Variants in CDH22 observed in about 807,000 individuals in gnomAD.
CDH22 encodes the protein cadherin-22.
CDH22 carries 30 observed loss-of-function variants against 58.4 expected under a neutral mutation model. The observed-to-expected ratio is 0.51, with a 90% CI of 0.38 to 0.70. The LOEUF is 0.70. CDH22 is among the 30% of genes least tolerant of loss of function. The pLI is 0.00. For synonymous variants in CDH22, 513 were observed against 558.2 expected, an observed-to-expected ratio of 0.92 and a Z score of 1.14; for missense variants, 1,014 against 1,233.9, an observed-to-expected ratio of 0.82 and a Z score of 2.67.
chr20:46,233,802 C>T (rs910230639), intron 3 of CDH22, among the ~76,000 whole-genome samples: 3 of 152,254 alleles, frequency 2.0e-5, no homozygotes, highest in African/African-American at 7.2e-5. Flanking sequence ...CCTCCTGTCC[C>T]GTTCCCCCCA....
intron 1 of CDH22, among the ~76,000 whole-genome samples, chr20:46,257,182 G>C (rs534685416): frequency 6.6e-6 from 1 of 152,194 alleles, no homozygotes; most frequent in African/African-American, 2.4e-5. Context: ...GCTGGCATGT[G>C]CCTGTAGTCC....
chr20:46,258,803 C>T (rs58438677), intron 1 of CDH22, among the ~76,000 whole-genome samples: 4,266 of 152,298 alleles, frequency 0.028, 193 homozygotes, highest in African/African-American at 0.096. Flanking sequence ...ACACAGGAGG[C>T]AGGCACGATG....
Position 46,303,139 on chromosome 20 carries a change from C to T in CDH22, c.-400+5116G>A, listed in dbSNP as rs143279821. 1.2e-3 allele frequency among the ~76,000 whole-genome samples: 181 copies of T among 152,352 alleles called. 2 individuals are homozygous for T. Among genetic ancestry groups the T allele is most frequent in the Admixed American group, 2.3e-3 (35 of 15,304 alleles). Reference sequence around the variant, plus strand: ...AGACCCACGGGACCTGGCTGCTGCCCACCTCGCTGGCCTGGTTTCCCATGA... The same window carrying T: ...AGACCCACGGGACCTGGCTGCTGCCTACCTCGCTGGCCTGGTTTCCCATGA... On this transcript the variant is annotated intron_variant, in intron 1 of 11. Transcript: ENST00000537909.
At position 46,251,544 on chromosome 20, in the gene CDH22, C is replaced by A; in HGVS notation, c.-250G>T. The A allele has an allele frequency of 3.3e-6, 1 of 304,420 alleles. No individual in the cohort carries two copies. The highest frequency in any genetic ancestry group is 5.9e-6 in the Non-Finnish European group (1 of 168,406). The allele number at this position is 304,420 out of a possible 1,614,324, so 18.9% of individuals were successfully genotyped here. On this transcript the variant is annotated 5_prime_UTR_variant, in exon 2 of 12. Transcript: ENST00000537909. This position sits in a 1 kb window ranked among gnomAD's most constrained non-coding sequence, Gnocchi z 6.7. ...GGACAGCCCCCGGGGTGCCCGCCCG[C>A]GCCCCCGTCGCCGCGTCGCGTGCGG... is the stretch of plus-strand genomic sequence containing the variant.
intron 1 of CDH22, among the ~76,000 whole-genome samples, chr20:46,277,166 C>T (rs2086522660): frequency 6.6e-6 from 1 of 151,574 alleles, no homozygotes; most frequent in South Asian, 2.1e-4. Context: ...AAAGGAAAGG[C>T]CCAGGACAGC....
At chr20:46,291,843 T>C (rs1445567564) in intron 1 of CDH22, among the ~76,000 whole-genome samples, 1 of 152,248 alleles carries the variant, frequency 6.6e-6, no homozygotes, top group African/African-American at 2.4e-5. Context: ...CAGTGACATT[T>C]TGGCTGGATA....
rs778265190 is a variant in CDH22 at position 46,241,024 on chromosome 20, G to A, written c.489C>T (p.Asp163=). ...GGCCGTGCAGGAAGCGGGGCTCACT[G>A]TCATTGATGTCCTGCACCTTGATGA... The part of the protein sequence containing the change: ...EFIIKVQDIN[D]SEPRFLHGPY... The change falls in exon 3 of 12, where the codon GAC becomes GAT. Residue 163 remains aspartate, a synonymous_variant. Transcript: ENST00000537909. The surrounding 1 kb of genome is among the most constrained non-coding windows in gnomAD (Gnocchi z 5.2). The A allele has an allele frequency of 1.2e-5, 19 of 1,614,092 alleles. No individual in the cohort carries two copies. Among genetic ancestry groups the A allele is most frequent in the Admixed American group, 1.7e-5 (1 of 60,024 alleles).
At chr20:46,263,119 T>C (rs573633581) in intron 1 of CDH22, among the ~76,000 whole-genome samples, 2 of 152,340 alleles carry the variant, frequency 1.3e-5, no homozygotes, top group South Asian at 4.1e-4. Flanking sequence ...GCTTCATTCT[T>C]GCTCTCTGTC....
intron 2 of CDH22, among the ~76,000 whole-genome samples, chr20:46,249,774 C>T (rs2086356809): frequency 6.6e-6 from 1 of 152,174 alleles, no homozygotes; most frequent in African/African-American, 2.4e-5. Context: ...AATCACCCTC[C>T]ACTTCAACAC....
chr20:46,176,471 T>G (rs957376633), intron 11 of CDH22, among the ~76,000 whole-genome samples: 4 of 151,952 alleles, frequency 2.6e-5, no homozygotes, highest in African/African-American at 7.3e-5. Flanking sequence ...TTTTGTTGAG[T>G]GCTAAATCTC....
In CDH22 at chr20:46,193,784, A is replaced by T. The variant is rs541067099; in HGVS notation, c.1423+5639T>A. On this transcript the variant is annotated intron_variant, in intron 8 of 11. Coordinates refer to ENST00000537909, the MANE Select transcript of CDH22 (RefSeq NM_021248.3). ...GGGGCTTTCTGCTGGGAACACCTGA[A>T]TCCCCTTTCTGCCTGGAACACCTGA... is the stretch of plus-strand genomic sequence containing the variant. Among the ~76,000 whole-genome samples, 7 of 152,136 alleles carry T rather than the reference A, an allele frequency of 4.6e-5. No homozygotes were observed. The South Asian group carries it at 1.5e-3, about 32-fold the overall frequency.
intron 4 of CDH22, 134 bp downstream of exon 4, chr20:46,227,374 A>T: frequency 1.2e-6 from 1 of 833,262 alleles, no homozygotes; most frequent in South Asian, 1.7e-5. Flanking sequence ...CCTGCTGTGC[A>T]CAAGGTGCCC....
rs1008513454 is a variant in CDH22 at position 46,199,224 on chromosome 20, C to T, written c.1423+199G>A. On this transcript the variant is annotated intron_variant, in intron 8 of 11. Coordinates refer to ENST00000537909, the MANE Select transcript of CDH22 (RefSeq NM_021248.3). ...CTGGATCTTTGCTCGCACCCATCAGCTTTTGCCCTCGCCTTCACCGCTGTG... is the reference window on the plus strand; with the variant it reads ...CTGGATCTTTGCTCGCACCCATCAGTTTTTGCCCTCGCCTTCACCGCTGTG... 2.0e-5 allele frequency among the ~76,000 whole-genome samples: 3 copies of T among 152,240 alleles called. No homozygotes were observed. In the East Asian group the frequency reaches 5.8e-4, roughly 29 times the overall value.
chr20:46,176,965 A>G (rs1325488059), intron 11 of CDH22, among the ~76,000 whole-genome samples: 1 of 152,236 alleles, frequency 6.6e-6, no homozygotes, highest in Non-Finnish European at 1.5e-5. Context: ...ACTGCCTCGG[A>G]AAATGAAACC....
At chr20:46,197,909 G>A (rs1025940667) in intron 8 of CDH22, among the ~76,000 whole-genome samples, 2 of 152,032 alleles carry the variant, frequency 1.3e-5, no homozygotes, top group Non-Finnish European at 2.9e-5. Flanking sequence ...AAGAGGGCTG[G>A]CAGGAGGAGC....
chr20:46,297,769 GA>G (rs2086635067), intron 1 of CDH22, among the ~76,000 whole-genome samples: 1 of 151,998 alleles, frequency 6.6e-6, no homozygotes, highest in East Asian at 1.9e-4. Flanking sequence ...CAGTGGCAGT[GA>G]GACAGTGGGA....
intron 3 of CDH22, among the ~76,000 whole-genome samples, chr20:46,234,978 G>A (rs1369783063): frequency 6.6e-6 from 1 of 152,236 alleles, no homozygotes; most frequent in East Asian, 1.9e-4. Flanking sequence ...TATAAAGTAG[G>A]TGCTAATAAA....
chr20:46,177,748 C>T (rs1891924582), intron 11 of CDH22, among the ~76,000 whole-genome samples, 198 bp downstream of exon 11: 1 of 152,192 alleles, frequency 6.6e-6, no homozygotes, highest in South Asian at 2.1e-4. Flanking sequence ...GAGCTCATCC[C>T]TGGAGTTGGT....
At position 46,300,498 on chromosome 20, in the gene CDH22, G is replaced by A. The variant is rs539344726; in HGVS notation, c.-400+7757C>T. Among the ~76,000 whole-genome samples the A allele has an allele frequency of 6.6e-5, 10 of 152,236 alleles. No homozygotes were observed. Among genetic ancestry groups the A allele is most frequent in the East Asian group, 3.9e-4 (2 of 5,176 alleles). On this transcript the variant is annotated intron_variant, in intron 1 of 11. Coordinates refer to ENST00000537909, the MANE Select transcript of CDH22 (RefSeq NM_021248.3). This position sits in a 1 kb window ranked among gnomAD's most constrained non-coding sequence, Gnocchi z 4.4. ...ATCACACACACAAGCGCGCGTGTGC[G>A]TGCGCGTGCACACACACATACACAC...
Sources: gnomAD v4.1 joint callset for allele counts (sites outside exome capture counted in the v4.1 genomes callset) on GRCh38, gnomAD v4.1.1 for gene constraint, Gnocchi (gnomAD v3.1) non-coding constraint, MANE v1.5 for transcripts, NCBI Gene and HGNC (gene_info 2026-07-23, HGNC 2026-07-21) for gene names.